CHST1: variants seen among roughly 807,000 people sequenced by gnomAD.
CHST1 encodes the protein carbohydrate sulfotransferase 1.
In CHST1, 10 loss-of-function variants were observed where a neutral mutation model predicts 22.5. The ratio of observed to expected loss-of-function variants is 0.44; its 90% CI spans 0.27 to 0.75. The LOEUF (loss-of-function observed/expected upper bound fraction) is 0.75, where lower values mean the gene tolerates loss of function less well. CHST1 is among the 30% of genes least tolerant of loss of function. The pLI is 0.15. For synonymous variants in CHST1, 267 were observed against 264.5 expected (o/e 1.01, Z -0.09); for missense variants, 439 against 576.1 (o/e 0.76, Z 2.44).
intron 1 of CHST1, among the ~76,000 whole-genome samples, chr11:45,658,773 G>T (rs552882698): frequency 3.9e-5 from 6 of 152,058 alleles, no homozygotes; most frequent in Non-Finnish European, 8.8e-5. Flanking sequence ...GACACTGGGC[G>T]GAAAAGCCCC....
intron 1 of CHST1, among the ~76,000 whole-genome samples, chr11:45,655,515 C>T (rs900137153): frequency 1.1e-4 from 16 of 152,252 alleles, no homozygotes; most frequent in African/African-American, 3.4e-4. Context: ...TGGCTACAAC[C>T]TGATGTGAGG....
At chr11:45,657,614 A>G (rs1168045563) in intron 1 of CHST1, among the ~76,000 whole-genome samples, 3 of 152,230 alleles carry the variant, frequency 2.0e-5, no homozygotes, top group Non-Finnish European at 2.9e-5. Flanking sequence ...GACGAGTTTC[A>G]TGGGACAGTG....
At chr11:45,660,691 C>T (rs1565000664) in intron 1 of CHST1, among the ~76,000 whole-genome samples, 3 of 152,230 alleles carry the variant, frequency 2.0e-5, no homozygotes, top group African/African-American at 7.2e-5. Flanking sequence ...GTTTCACCTG[C>T]CCTGCAGAAT....
At chr11:45,658,718 G>A (rs1370813337) in intron 1 of CHST1, among the ~76,000 whole-genome samples, 1 of 152,134 alleles carries the variant, frequency 6.6e-6, no homozygotes, top group Non-Finnish European at 1.5e-5. Context: ...TCTCAGGCCA[G>A]TCCTGGTACA....
chr11:45,665,273 G>A lies in CHST1; in HGVS notation c.-322C>T, dbSNP rs1236703587. On this transcript the variant is annotated 5_prime_UTR_variant, in exon 1 of 4. Coordinates refer to ENST00000308064, the MANE Select transcript of CHST1 (RefSeq NM_003654.6). This position sits in a 1 kb window ranked among gnomAD's most constrained non-coding sequence, Gnocchi z 4.0. ...TCGCCGGGGACCCGCGGGTGGCGGC[G>A]GCGGCAGCAGCCGCGGCGGCATCCT... The A allele has an allele frequency of 1.3e-5, 2 of 151,982 alleles. No homozygotes were observed. The highest frequency in any genetic ancestry group is 4.8e-5 in the African/African-American group (2 of 41,360). 9.4% of individuals were successfully genotyped at this position (151,982 alleles called of 1,614,324 possible).
intron 1 of CHST1, among the ~76,000 whole-genome samples, chr11:45,655,802 G>T (rs888726948): frequency 1.3e-5 from 2 of 152,370 alleles, no homozygotes; most frequent in South Asian, 2.1e-4. Context: ...CTGTGCCTCA[G>T]TTACACCATA....
intron 1 of CHST1, among the ~76,000 whole-genome samples, chr11:45,658,934 G>A (rs544158249): frequency 1.8e-4 from 28 of 152,338 alleles, no homozygotes; most frequent in African/African-American, 5.3e-4. Flanking sequence ...AGCTGCTGCC[G>A]GCCAGGCTGG....
intron 1 of CHST1, among the ~76,000 whole-genome samples, chr11:45,657,292 G>T (rs1852074264): frequency 7.5e-6 from 1 of 133,420 alleles, no homozygotes; most frequent in South Asian, 2.6e-4. Flanking sequence ...TAAGGAAAAT[G>T]AGGTGATGAA....
In CHST1 at chr11:45,665,048, C is replaced by T. The variant is rs1852180901; in HGVS notation, c.-227+130G>A. 1 of 152,278 alleles carries T rather than the reference C, an allele frequency of 6.6e-6. No homozygotes were observed. The highest frequency in any genetic ancestry group is 1.5e-5 in the Non-Finnish European group (1 of 68,114). 9.4% of individuals were successfully genotyped at this position (152,278 alleles called of 1,614,324 possible). The stretch of plus-strand genomic sequence containing the variant: ...CCGCCGTTCCTCGCCGCCGCCACCC[C>T]TCCGCTCACCGCCGGTAGCTGCTGT... On this transcript the variant is annotated intron_variant, in intron 1 of 3. Transcript: ENST00000308064. This position sits in a 1 kb window ranked among gnomAD's most constrained non-coding sequence, Gnocchi z 4.0.
chr11:45,654,869 CTG>C (rs1430558637), intron 1 of CHST1, among the ~76,000 whole-genome samples: 5 of 152,204 alleles, frequency 3.3e-5, no homozygotes, highest in Non-Finnish European at 5.9e-5. Flanking sequence ...TATTGGAAAA[CTG>C]TAATTCACAG....
chr11:45,655,853 G>T (rs1195052471), intron 1 of CHST1, among the ~76,000 whole-genome samples: 3 of 152,238 alleles, frequency 2.0e-5, no homozygotes, highest in African/African-American at 4.8e-5. Context: ...TCTAACCCTG[G>T]TGTTCTCTAT....
chr11:45,649,881 C>G lies in CHST1; in HGVS notation c.1043G>C (p.Gly348Ala). ...CGTGGCCGCCGAGTTTCGCACGGTG[C>G]CGTATTTGTGCTTGCCCAGGGTGGG... ...GDPTLGKHKY[G>A]TVRNSAATAE... Residue 348 changes from glycine (G) to alanine (A), a missense_variant, in exon 4 of 4, where the codon GGC becomes GCC. Transcript: ENST00000308064. The G allele has an allele frequency of 6.2e-7, 1 of 1,611,316 alleles. No homozygotes were observed. The highest frequency in any genetic ancestry group is 8.5e-7 in the Non-Finnish European group (1 of 1,179,972).
At position 45,649,789 on chromosome 11, in the gene CHST1, C is replaced by G. The variant is rs1439004278; in HGVS notation, c.1135G>C (p.Val379Leu). The change falls in exon 4 of 4, where the codon GTG becomes CTG. Residue 379 changes from valine (V) to leucine (L), a missense_variant. Physicochemically the swap from Val to Leu is conservative, Grantham distance 32. Coordinates refer to ENST00000308064, the MANE Select transcript of CHST1 (RefSeq NM_003654.6). ...ATCTTGTAGCCCAGCTGGGCCAGCA[C>G]CTGCTGGCAGGCGTTCTGGGCAAAG... ...VAFAQNACQQ[V>L]LAQLGYKIAA... The G allele has an allele frequency of 6.2e-7, 1 of 1,611,816 alleles. No homozygotes were observed. Among genetic ancestry groups the G allele is most frequent in the Non-Finnish European group, 8.5e-7 (1 of 1,179,856 alleles).
chr11:45,663,434 C>T (rs1852159767), intron 1 of CHST1, among the ~76,000 whole-genome samples: 1 of 152,116 alleles, frequency 6.6e-6, no homozygotes, highest in African/African-American at 2.4e-5. Context: ...GGCTCAGGGG[C>T]CAGGACAGAG....
intron 1 of CHST1, among the ~76,000 whole-genome samples, chr11:45,664,505 C>A (rs1852172560): frequency 6.6e-6 from 1 of 152,240 alleles, no homozygotes; most frequent in Non-Finnish European, 1.5e-5. Context: ...GGCCTTTTAA[C>A]GCCCAGCATC....
At chr11:45,662,832 G>A (rs549468774) in intron 1 of CHST1, among the ~76,000 whole-genome samples, 18 of 152,296 alleles carry the variant, frequency 1.2e-4, no homozygotes, top group African/African-American at 3.4e-4. Context: ...GCAGCTGAGC[G>A]GCATCCAATG....
chr11:45,657,775 A>T (rs1242927898), intron 1 of CHST1, among the ~76,000 whole-genome samples: 5 of 152,170 alleles, frequency 3.3e-5, no homozygotes, highest in Admixed American at 3.3e-4. Flanking sequence ...TGCCCACCTC[A>T]ACTTGAAACA....
chr11:45,653,064 T>A (rs1852017000), intron 1 of CHST1, among the ~76,000 whole-genome samples: 1 of 152,228 alleles, frequency 6.6e-6, no homozygotes, highest in Non-Finnish European at 1.5e-5. Flanking sequence ...GTCCTGTGGA[T>A]CTGTTGGTTC....
chr11:45,648,512 G>A lies in CHST1; in HGVS notation c.*1176C>T, dbSNP rs1297606317. ...AGCCTGGACAACACGGTGAAACCCCGTCTCTACTAAAATCCAAAAAAAAAA... is the reference window on the plus strand; with the variant it reads ...AGCCTGGACAACACGGTGAAACCCCATCTCTACTAAAATCCAAAAAAAAAA... On this transcript the variant is annotated 3_prime_UTR_variant, in exon 4 of 4. Transcript: ENST00000308064. Among the ~76,000 whole-genome samples, 4 of 148,782 alleles carry A rather than the reference G, an allele frequency of 2.7e-5. No homozygotes were observed.
Sources: gnomAD v4.1 joint callset for allele counts (sites outside exome capture counted in the v4.1 genomes callset) on GRCh38, gnomAD v4.1.1 for gene constraint, Gnocchi (gnomAD v3.1) non-coding constraint, MANE v1.5 for transcripts, NCBI Gene and HGNC (gene_info 2026-07-23, HGNC 2026-07-21) for gene names.